The following BROX variants were observed in gnomAD, a reference collection of about 807,000 sequenced individuals.
BROX encodes BRO1 domain and CAAX motif containing.
A neutral mutation model predicts 61.0 loss-of-function variants in BROX; 53 were observed. That is an observed-to-expected ratio of 0.87 (90% confidence interval 0.70 to 1.09). BROX has a LOEUF of 1.09. Among genes scored for constraint, BROX ranks in the 50% least tolerant of loss-of-function variants. The pLI, the probability that BROX is intolerant of heterozygous loss-of-function variation, is 0.00. For missense variants in BROX, 489 were observed against 472.0 expected, an observed-to-expected ratio of 1.04 and a Z score of -0.33; for synonymous variants, 152 against 160.2, an observed-to-expected ratio of 0.95 and a Z score of 0.38.
rs1004479117 is a variant in BROX at position 222,734,907 on chromosome 1, A to G, written c.*2193A>G. 1 of 152,254 alleles carries G rather than the reference A, an allele frequency of 6.6e-6. No individual in the cohort carries two copies. Among genetic ancestry groups the G allele is most frequent in the Non-Finnish European group, 1.5e-5 (1 of 68,046 alleles). 9.4% of individuals were successfully genotyped at this position (152,254 alleles called of 1,614,324 possible). ...AATACTGGTATTACTTTACATCAGT[A>G]GGCATCTTTGACATGAGCATATAAA... On this transcript the variant is annotated 3_prime_UTR_variant, in exon 13 of 13. Coordinates refer to ENST00000340934, the MANE Select transcript of BROX (RefSeq NM_144695.4).
At position 222,725,489 on chromosome 1, in the gene BROX, G is replaced by A. The variant is rs995268862; in HGVS notation, c.514G>A (p.Gly172Arg). The A allele has an allele frequency of 6.2e-7, 1 of 1,612,618 alleles. No homozygotes were observed. The highest frequency in any genetic ancestry group is 8.5e-7 in the Non-Finnish European group (1 of 1,179,532). Reference sequence around the variant, plus strand: ...AAAACTCATTACACCTGCGGAAAAAGGAAGAGATTTAGAGTCACGACTCAT... The same window carrying A: ...AAAACTCATTACACCTGCGGAAAAAAGAAGAGATTTAGAGTCACGACTCAT... The part of the protein sequence containing the change: ...LPKLITPAEK[G>R]RDLESRLIEA... The change falls in exon 7 of 13, where the codon GGA becomes AGA. Residue 172 changes from glycine (G) to arginine (R), a missense_variant. Coordinates refer to ENST00000340934, the MANE Select transcript of BROX (RefSeq NM_144695.4).
chr1:222,731,186 A>G (rs1425064436), intron 11 of BROX, among the ~76,000 whole-genome samples, 171 bp from the exon 12 acceptor site: 1 of 152,190 alleles, frequency 6.6e-6, no homozygotes, highest in Admixed American at 6.5e-5. Context: ...AGCTCCAATT[A>G]CATTGCATTG....
At chr1:222,728,241 C>T (rs1193599702) in intron 8 of BROX, among the ~76,000 whole-genome samples, 1 of 152,054 alleles carries the variant, frequency 6.6e-6, no homozygotes, top group Non-Finnish European at 1.5e-5. Context: ...ATGATGAAAG[C>T]TTTGGCAAAT....
chr1:222,718,246 A>T (rs1279887559), intron 2 of BROX, among the ~76,000 whole-genome samples: 1 of 152,194 alleles, frequency 6.6e-6, no homozygotes, highest in African/African-American at 2.4e-5. Flanking sequence ...ATCAAAGGAG[A>T]AAATAATTTC....
At chr1:222,720,365 C>T (rs574533962) in intron 4 of BROX, among the ~76,000 whole-genome samples, 18 of 151,898 alleles carry the variant, frequency 1.2e-4, no homozygotes, top group African/African-American at 4.3e-4. Context: ...TTAATGTGAC[C>T]CATTTGTTTT....
At chr1:222,731,914 G>T (rs1055353639) in intron 12 of BROX, among the ~76,000 whole-genome samples, 1 of 152,144 alleles carries the variant, frequency 6.6e-6, no homozygotes, top group Non-Finnish European at 1.5e-5. Context: ...TGTAAAATAA[G>T]AGTGCTTTTA....
At position 222,724,241 on chromosome 1, in the gene BROX, G is replaced by A. The variant is rs1311975408; in HGVS notation, c.474+77G>A. The A allele has an allele frequency of 2.5e-6, 3 of 1,192,166 alleles. No homozygotes were observed. In the East Asian group the frequency reaches 7.4e-5, roughly 29 times the overall value. The allele number at this position is 1,192,166 out of a possible 1,614,324, so 73.8% of individuals were successfully genotyped here. ...AATAATTTTTCTTTTGGGAGGATATGGGGAAAGAATTGTTTCATTATATTA... is the reference window on the plus strand; with the variant it reads ...AATAATTTTTCTTTTGGGAGGATATAGGGAAAGAATTGTTTCATTATATTA... On this transcript the variant is annotated intron_variant, in intron 6 of 12. Coordinates refer to ENST00000340934, the MANE Select transcript of BROX (RefSeq NM_144695.4).
intron 6 of BROX, 111 bp downstream of exon 6, chr1:222,724,275 A>G (rs964254228): frequency 8.2e-6 from 7 of 853,002 alleles, no homozygotes; most frequent in Non-Finnish European, 1.3e-5. Flanking sequence ...TAAAAAAGGT[A>G]CTATGTGTTC....
rs928654167 is a variant in BROX at position 222,717,570 on chromosome 1, C to T, written c.102-1355C>T. ...TCTGCCTAGTCCAGGAATTGAATCA[C>T]TTTCCAGCTTCTAGAGAAATATCTC... On this transcript the variant is annotated intron_variant, in intron 2 of 12. Transcript: ENST00000340934. Among the ~76,000 whole-genome samples the T allele has an allele frequency of 2.1e-4, 32 of 152,198 alleles. 1 individual carries two copies. Among genetic ancestry groups the T allele is most frequent in the African/African-American group, 7.7e-4 (32 of 41,456 alleles).
chr1:222,725,640 T>G, intron 7 of BROX, 85 bp downstream of exon 7: 1 of 1,116,620 alleles, frequency 9.0e-7, no homozygotes, highest in East Asian at 2.7e-5. Context: ...TTGGGCACTG[T>G]GGCTTATGCA....
intron 5 of BROX, 117 bp from the exon 6 acceptor site, chr1:222,723,975 A>G: frequency 1.4e-6 from 1 of 710,514 alleles, no homozygotes; most frequent in South Asian, 2.0e-5. Context: ...AAAAGGAAGA[A>G]AATTAGCAGT....
chr1:222,731,322 A>G (rs747577105), intron 11 of BROX, 35 bp from the exon 12 acceptor site: 2 of 1,531,860 alleles, frequency 1.3e-6, no homozygotes, highest in Non-Finnish European at 1.7e-6. Context: ...ATAACGAACA[A>G]ATGAATGAAT....
intron 4 of BROX, 76 bp from the exon 5 acceptor site, chr1:222,722,343 G>A: frequency 8.2e-7 from 1 of 1,219,712 alleles, no homozygotes; most frequent in African/African-American, 1.5e-5. Context: ...GTAATTTTGA[G>A]TCGGATATCC....
In BROX at chr1:222,712,785, C is replaced by T. The variant is rs931655989; in HGVS notation, c.-174C>T. The T allele has an allele frequency of 1.6e-6, 2 of 1,289,288 alleles. No individual in the cohort carries two copies. The highest frequency in any genetic ancestry group is 2.3e-5 in the Admixed American group (1 of 43,542). The allele number at this position is 1,289,288 out of a possible 1,614,324, so 79.9% of individuals were successfully genotyped here. ...CTACCGCCTCGGTAGCTATCATGGC[C>T]GCCGGGTCACGTGACTCCGGCTTGG... On this transcript the variant is annotated 5_prime_UTR_variant, in exon 1 of 13. Transcript: ENST00000340934.
At position 222,733,874 on chromosome 1, in the gene BROX, T is replaced by G. The variant is rs1266876124; in HGVS notation, c.*1160T>G. On this transcript the variant is annotated 3_prime_UTR_variant, in exon 13 of 13. Transcript: ENST00000340934. The stretch of plus-strand genomic sequence containing the variant: ...TGATGTAAAGAAAAAACTTTAAACT[T>G]AAATGAGTAGGTTGTCCTGAATTAC... 6.6e-6 allele frequency: 1 copy of G among 152,196 alleles called. No individual in the cohort carries two copies. Among genetic ancestry groups the G allele is most frequent in the Non-Finnish European group, 1.5e-5 (1 of 68,024 alleles). 9.4% of individuals were successfully genotyped at this position (152,196 alleles called of 1,614,324 possible).
chr1:222,721,998 C>G (rs940791071), intron 4 of BROX, among the ~76,000 whole-genome samples: 5 of 152,110 alleles, frequency 3.3e-5, no homozygotes, highest in Non-Finnish European at 7.4e-5. Context: ...TTATTCTAGC[C>G]TGAAACAATC....
intron 8 of BROX, 79 bp from the exon 9 acceptor site, chr1:222,728,664 A>G (rs1571985733): frequency 2.3e-6 from 2 of 859,644 alleles, no homozygotes; most frequent in Non-Finnish European, 3.5e-6. Flanking sequence ...TTCTGCTTTT[A>G]TCATCAGAAC....
In BROX at chr1:222,719,365, C is replaced by T. The variant is rs780235659; in HGVS notation, c.305+6C>T. 1.3e-6 allele frequency: 2 copies of T among 1,582,638 alleles called. No individual in the cohort carries two copies. The highest frequency in any genetic ancestry group is 1.7e-5 in the Admixed American group (1 of 59,824). On this transcript the variant is annotated splice_donor_region_variant and intron_variant, in intron 4 of 12. Transcript: ENST00000340934. The stretch of plus-strand genomic sequence containing the variant: ...TTGCAAGGACAGGTTCCAAGGTAAG[C>T]AACACTAAAGTAATACTAAATTGGA...
rs1658150768 is a variant in BROX, at chr1:222,734,328, A to G, written c.*1614A>G. ...AATCCACACAGCAGCCCTGTAAGAA[A>G]TAAGTAAAATCTGCATAAAGTGTTG... On this transcript the variant is annotated 3_prime_UTR_variant, in exon 13 of 13. Coordinates refer to ENST00000340934, the MANE Select transcript of BROX (RefSeq NM_144695.4). 1 of 152,240 alleles carries G rather than the reference A, an allele frequency of 6.6e-6. No individual in the cohort carries two copies. The highest frequency in any genetic ancestry group is 2.1e-4 in the South Asian group (1 of 4,836). The allele number at this position is 152,240 out of a possible 1,614,324, so 9.4% of individuals were successfully genotyped here.
Sources: allele counts gnomAD v4.1 joint callset (sites outside exome capture counted in the v4.1 genomes callset), GRCh38; gene constraint gnomAD v4.1.1; transcripts MANE v1.5; gene names NCBI Gene and HGNC (gene_info 2026-07-23, HGNC 2026-07-21).